PCDH11X: variants seen among roughly 807,000 people sequenced by gnomAD.
PCDH11X encodes protocadherin 11 X-linked, also known as protocadherin-11 X-linked.
PCDH11X carries 18 observed loss-of-function variants against 53.3 expected under a neutral mutation model. The ratio of observed to expected loss-of-function variants is 0.34; its 90% CI spans 0.23 to 0.50. The LOEUF (loss-of-function observed/expected upper bound fraction) is 0.50, where lower values mean the gene tolerates loss of function less well. Ranked by LOEUF, PCDH11X falls within the 20% of genes least tolerant of loss-of-function variation. The pLI, the probability that PCDH11X is intolerant of heterozygous loss-of-function variation, is 0.98. For missense variants in PCDH11X, 570 were observed against 1,032.4 expected, an observed-to-expected ratio of 0.55 and a Z score of 6.14; for synonymous variants, 279 against 393.3, an observed-to-expected ratio of 0.71 and a Z score of 3.44.
At chrX:91,855,362 T>G (rs1027351590) in intron 5 of PCDH11X, among the ~76,000 whole-genome samples, 4 of 111,473 alleles carry the variant, frequency 3.6e-5, no homozygotes, top group African/African-American at 1.3e-4. Flanking sequence ...TATATGTGTC[T>G]GTTCTTAAGC....
chrX:92,415,383 A>G (rs1311366970), intron 9 of PCDH11X, among the ~76,000 whole-genome samples: 2 of 111,883 alleles, frequency 1.8e-5, no homozygotes, highest in Non-Finnish European at 3.8e-5. Flanking sequence ...ATTTCATGAC[A>G]TTAATGTACT....
intron 4 of PCDH11X, among the ~76,000 whole-genome samples, chrX:91,828,788 G>A (rs1054764905): frequency 3.6e-5 from 4 of 111,396 alleles, no homozygotes; most frequent in African/African-American, 9.8e-5. Flanking sequence ...ATTGTCTCAC[G>A]GGGTGAATGA....
chrX:92,461,896 G>T (rs7052957), intron 9 of PCDH11X, among the ~76,000 whole-genome samples: 2,517 of 111,886 alleles, frequency 0.022, 82 homozygotes, highest in African/African-American at 0.079. Context: ...ACAAGAGATT[G>T]TAATAGACAT....
chrX:91,963,473 G>C (rs748028073), intron 6 of PCDH11X, among the ~76,000 whole-genome samples: 96 of 109,811 alleles, frequency 8.7e-4, no homozygotes, highest in African/African-American at 3.1e-3. Context: ...TTCCATCTGA[G>C]ATCACCTCAG....
intron 6 of PCDH11X, among the ~76,000 whole-genome samples, chrX:92,027,575 G>A (rs181965110): frequency 1.1e-3 from 118 of 109,242 alleles, no homozygotes; most frequent in African/African-American, 3.5e-3. Context: ...AAGTAATACC[G>A]TATCACTCTC....
At chrX:92,232,552 G>A in intron 7 of PCDH11X, among the ~76,000 whole-genome samples, 1 of 111,987 alleles carries the variant, frequency 8.9e-6, no homozygotes, top group East Asian at 2.8e-4. Flanking sequence ...AATTAACATA[G>A]TTGTGTGGTC....
At chrX:92,267,338 C>T (rs12557070) in intron 8 of PCDH11X, among the ~76,000 whole-genome samples, 7,842 of 111,506 alleles carry the variant, frequency 0.07, 478 homozygotes, top group East Asian at 0.28. Flanking sequence ...TGAGATTCTC[C>T]GAGGAGTATA....
chrX:92,122,316 A>G (rs770667243), intron 6 of PCDH11X, among the ~76,000 whole-genome samples: 26 of 111,256 alleles, frequency 2.3e-4, no homozygotes, highest in Middle Eastern at 4.7e-3. Context: ...TCCAACCACA[A>G]TGTTAACCAC....
chrX:92,251,448 C>T (rs983898480), intron 7 of PCDH11X, among the ~76,000 whole-genome samples: 1 of 110,581 alleles, frequency 9.0e-6, no homozygotes, highest in African/African-American at 3.3e-5. Context: ...AGAAAAATTC[C>T]TCCTGCTATG....
At chrX:92,569,316 A>G (rs1012589704) in intron 10 of PCDH11X, among the ~76,000 whole-genome samples, 1 of 111,100 alleles carries the variant, frequency 9.0e-6, no homozygotes, top group African/African-American at 3.3e-5. Flanking sequence ...TTGCTGTTAT[A>G]ATTAAATAAA....
intron 10 of PCDH11X, among the ~76,000 whole-genome samples, chrX:92,541,854 C>T (rs1410963266): frequency 2.7e-5 from 3 of 110,702 alleles, no homozygotes; most frequent in Non-Finnish European, 3.8e-5. Context: ...GAGGCTGAGG[C>T]AGGAGAATTG....
chrX:92,107,097 T>A (rs1321216388), intron 6 of PCDH11X, among the ~76,000 whole-genome samples: 2 of 111,842 alleles, frequency 1.8e-5, no homozygotes, highest in African/African-American at 6.5e-5. Context: ...AGAACATTTT[T>A]AAATCCATCT....
intron 10 of PCDH11X, among the ~76,000 whole-genome samples, chrX:92,539,609 A>T (rs1224077170): frequency 1.8e-5 from 2 of 111,623 alleles, no homozygotes; most frequent in Non-Finnish European, 3.8e-5. Context: ...TGACTTATTT[A>T]GTTCATTTGG....
At chrX:92,113,357 T>G (rs188410496) in intron 6 of PCDH11X, 1 of 1,198,249 alleles carries the variant, frequency 8.3e-7, no homozygotes, top group East Asian at 3.0e-5. Flanking sequence ...GCCACATCTT[T>G]ACGGCCAAAC....
At chrX:91,960,308 G>GT (rs1476993937) in intron 6 of PCDH11X, among the ~76,000 whole-genome samples, 2 of 110,220 alleles carry the variant, frequency 1.8e-5, no homozygotes, top group Non-Finnish European at 3.8e-5. Flanking sequence ...TGCTTTTGTT[G>GT]TTGTACTTTT....
At chrX:91,973,613 CT>C (rs750179369) in intron 6 of PCDH11X, among the ~76,000 whole-genome samples, 6,477 of 88,169 alleles carry the variant, frequency 0.073, 229 homozygotes, top group African/African-American at 0.13. Context: ...GTATATACAA[CT>C]TTTTTTTTTT....
At chrX:92,105,886 C>T (rs1024011854) in intron 6 of PCDH11X, among the ~76,000 whole-genome samples, 4 of 111,383 alleles carry the variant, frequency 3.6e-5, no homozygotes, top group South Asian at 7.6e-4. Context: ...ACAGGGGATG[C>T]GATGGCTTGG....
chrX:92,597,832 T>C (rs1487843817), intron 10 of PCDH11X, among the ~76,000 whole-genome samples: 1 of 111,346 alleles, frequency 9.0e-6, no homozygotes, highest in Non-Finnish European at 1.9e-5. Flanking sequence ...AACAGACACA[T>C]AGACCAAAGG....
In PCDH11X at chrX:92,175,175, C is replaced by T. The variant is rs1339944038; in HGVS notation, c.3034-26200C>T. Reference sequence around the variant, plus strand: ...TATTTTTGGTAGAGATGGGGTTTCTCCATGTTGGCCAGGCTGGTCTCGAAC... The same window carrying T: ...TATTTTTGGTAGAGATGGGGTTTCTTCATGTTGGCCAGGCTGGTCTCGAAC... On this transcript the variant is annotated intron_variant, in intron 6 of 10. Transcript: ENST00000682573. Among the ~76,000 whole-genome samples, 12 of 111,066 alleles carry T rather than the reference C, an allele frequency of 1.1e-4. No homozygotes were observed. In the Admixed American group the frequency reaches 1.2e-3, roughly 11 times the overall value.
Sources: gnomAD v4.1 joint callset for allele counts (sites outside exome capture counted in the v4.1 genomes callset) on GRCh38, gnomAD v4.1.1 for gene constraint, MANE v1.5 for transcripts, NCBI Gene and HGNC (gene_info 2026-07-23, HGNC 2026-07-21) for gene names.